CACNB1: variants seen among roughly 807,000 people sequenced by gnomAD.
CACNB1 encodes voltage-dependent L-type calcium channel subunit beta-1.
A neutral mutation model predicts 71.6 loss-of-function variants in CACNB1; 29 were observed. The ratio of observed to expected loss-of-function variants is 0.40; its 90% CI spans 0.30 to 0.55. The LOEUF (loss-of-function observed/expected upper bound fraction) is 0.55, where lower values mean the gene tolerates loss of function less well. Ranked by LOEUF, CACNB1 falls within the 20% of genes least tolerant of loss-of-function variation. The probability of loss-of-function intolerance (pLI) is 0.38; values close to 1 mark genes in which losing one functional copy is unlikely to be tolerated. For missense variants in CACNB1, 623 were observed against 801.8 expected, an observed-to-expected ratio of 0.78 and a Z score of 2.69; for synonymous variants, 300 against 319.6, an observed-to-expected ratio of 0.94 and a Z score of 0.65.
intron 1 of CACNB1, 165 bp from the exon 2 acceptor site, chr17:39,195,135 G>C (rs1451592288): frequency 1.0e-5 from 6 of 575,578 alleles, no homozygotes; most frequent in Non-Finnish European, 1.8e-5. Context: ...GGGGAGGGAG[G>C]GTCTCCCATC....
chr17:39,193,931 G>A (rs2046149124), intron 2 of CACNB1: 1 of 153,898 alleles, frequency 6.5e-6, no homozygotes, highest in African/African-American at 2.4e-5. Flanking sequence ...GCCAAGTGCT[G>A]TAGAGACAGA....
At position 39,191,588 on chromosome 17, in the gene CACNB1, T is replaced by C. The variant is rs1374965378; in HGVS notation, c.177A>G (p.Ser59=). ...ATGGACGGCTGGTGTAGGACTCCGC[T>C]GAGCCCTGAAAATAGAGAGAGCCAG... is the stretch of plus-strand genomic sequence containing the variant. The part of the protein sequence containing the change: ...TTSNSFVRQG[S]AESYTSRPSD... The change falls in exon 3 of 14, where the codon TCA becomes TCG. Residue 59 remains serine (S), a synonymous_variant. Transcript: ENST00000394303. 6.2e-7 allele frequency: 1 copy of C among 1,609,080 alleles called. No homozygotes were observed. Among genetic ancestry groups the C allele is most frequent in the Non-Finnish European group, 8.5e-7 (1 of 1,178,418 alleles).
At position 39,181,179 on chromosome 17, in the gene CACNB1, C is replaced by T. The variant is rs560731827; in HGVS notation, c.1050+2534G>A. Among the ~76,000 whole-genome samples, 105 of 152,140 alleles carry T rather than the reference C, an allele frequency of 6.9e-4. 2 individuals carry two copies. Among genetic ancestry groups the T allele is most frequent in the East Asian group, 3.9e-4 (2 of 5,170 alleles). On this transcript the variant is annotated intron_variant, in intron 11 of 13. Transcript: ENST00000394303. ...TGCAATCTCGGCTCACTGCAACCTCCGCCTCCTGGGTTCAAGCAATTCTTG... is the reference window on the plus strand; with the variant it reads ...TGCAATCTCGGCTCACTGCAACCTCTGCCTCCTGGGTTCAAGCAATTCTTG...
At chr17:39,182,525 C>A (rs1410194552) in intron 11 of CACNB1, among the ~76,000 whole-genome samples, 1 of 151,572 alleles carries the variant, frequency 6.6e-6, no homozygotes, top group East Asian at 1.9e-4. Context: ...ATGGTGAAAC[C>A]CTGTCTCTAC....
rs144168844 is a variant in CACNB1 at position 39,184,216 on chromosome 17, C to T, written c.789-76G>A. ...CCTGCCCACTCCCCAGTTCCAGGCC[C>T]GCCTTCTGTTCCTCAGTCCGAGTCC... On this transcript the variant is annotated intron_variant, in intron 9 of 13. Coordinates refer to ENST00000394303, the MANE Select transcript of CACNB1 (RefSeq NM_000723.5). The T allele has an allele frequency of 4.8e-4, 620 of 1,302,510 alleles. 2 individuals are homozygous for T. In the African/African-American group the frequency reaches 8.2e-3, roughly 17 times the overall value. 80.7% of individuals were successfully genotyped at this position (1,302,510 alleles called of 1,614,324 possible).
intron 11 of CACNB1, among the ~76,000 whole-genome samples, chr17:39,179,497 C>T (rs1408094570): frequency 1.3e-5 from 2 of 149,514 alleles, no homozygotes. Flanking sequence ...AGGAGAACGG[C>T]GTGAACCTGG....
In CACNB1 at chr17:39,186,114, A is replaced by C; in HGVS notation, c.628+382T>G. 23 of 1,612,784 alleles carry C rather than the reference A, an allele frequency of 1.4e-5. No homozygotes were observed. Among genetic ancestry groups the C allele is most frequent in the Non-Finnish European group, 2.0e-5 (23 of 1,179,124 alleles). Reference sequence around the variant, plus strand: ...TTAGTCATTTCATTACCTGGACCGGAGAGTCAGGAGAGAGGGAGGAGGGAG... The same window carrying C: ...TTAGTCATTTCATTACCTGGACCGGCGAGTCAGGAGAGAGGGAGGAGGGAG... On this transcript the variant is annotated intron_variant, in intron 6 of 13. Transcript: ENST00000394303. This position sits in a 1 kb window ranked among gnomAD's most constrained non-coding sequence, Gnocchi z 4.1.
At chr17:39,190,367 A>G (rs975157825) in intron 3 of CACNB1, among the ~76,000 whole-genome samples, 9 of 152,180 alleles carry the variant, frequency 5.9e-5, no homozygotes, top group African/African-American at 2.2e-4. Context: ...ACGCCGCTAC[A>G]CTCAGCCTGA....
At position 39,175,430 on chromosome 17, in the gene CACNB1, C is replaced by T. The variant is rs754728800; in HGVS notation, c.1560G>A (p.Val520=). The change falls in exon 14 of 14, where the codon GTG becomes GTA. Residue 520 remains valine (V), a synonymous_variant. Transcript: ENST00000394303. This position sits in a 1 kb window ranked among gnomAD's most constrained non-coding sequence, Gnocchi z 4.7. ...CCTCTGAGGGGTCAGTCTCCATGTC[C>T]ACACATGAGTCTCCCAGCTCCGTGT... ...SAYTELGDSC[V]DMETDPSEGP... The T allele has an allele frequency of 9.3e-6, 15 of 1,614,108 alleles. No homozygotes were observed. Among genetic ancestry groups the T allele is most frequent in the South Asian group, 8.8e-5 (8 of 91,092 alleles).
At chr17:39,177,001 T>C (rs2045595288) in intron 13 of CACNB1, 1 of 692,662 alleles carries the variant, frequency 1.4e-6, no homozygotes, top group African/African-American at 1.8e-5. Context: ...CGCATGTCCT[T>C]CCTAGTCCCT....
At chr17:39,177,886 G>A (rs2045628489) in intron 12 of CACNB1, 98 bp downstream of exon 12, 1 of 957,880 alleles carries the variant, frequency 1.0e-6, no homozygotes. Context: ...GCCTGACCCA[G>A]GTGTTCCTGG....
chr17:39,195,153 A>C lies in CACNB1; in HGVS notation c.85-183T>G, dbSNP rs943081313. 21 of 561,774 alleles carry C rather than the reference A, an allele frequency of 3.7e-5. No homozygotes were observed. In the African/African-American group the frequency reaches 4.0e-4, roughly 11 times the overall value. 34.8% of individuals were successfully genotyped at this position (561,774 alleles called of 1,614,324 possible). ...GAGGGAGGGTCTCCCATCCTCACGG[A>C]GAGGGCCCAGAGCACAGCCAGGAGT... On this transcript the variant is annotated intron_variant, in intron 1 of 13. Transcript: ENST00000394303.
At chr17:39,193,436 A>T (rs1232401108) in intron 2 of CACNB1, 1 of 450,252 alleles carries the variant, frequency 2.2e-6, no homozygotes, top group Non-Finnish European at 4.5e-6. Flanking sequence ...ACCCCACTCC[A>T]TCCCCAGCTC....
chr17:39,178,045 G>C lies in CACNB1; in HGVS notation c.1085C>G (p.Ser362Cys). The C allele has an allele frequency of 6.2e-7, 1 of 1,614,160 alleles. No homozygotes were observed. Among genetic ancestry groups the C allele is most frequent in the Non-Finnish European group, 8.5e-7 (1 of 1,180,004 alleles). Residue 362 changes from serine (S) to cysteine (C), a missense_variant, in exon 12 of 14, where the codon TCT (serine) becomes TGT (cysteine). Physicochemically the swap from Ser to Cys is moderately radical, Grantham distance 112. Transcript: ENST00000394303. ...LQRLIKSRGKSQSKHLNVQIA... is the reference protein window; with the variant it reads ...LQRLIKSRGKCQSKHLNVQIA... The stretch of plus-strand genomic sequence containing the variant: ...TTGGACATTGAGGTGTTTGGACTGA[G>C]ACTTTCCTCGGGACTTGATGAGCCT...
At chr17:39,191,698 C>T in intron 2 of CACNB1, 105 bp from the exon 3 acceptor site, 1 of 1,194,952 alleles carries the variant, frequency 8.4e-7, no homozygotes, top group Non-Finnish European at 1.2e-6. Flanking sequence ...GAGCCCCAGC[C>T]AGCCCAGCAT....
chr17:39,190,899 C>T (rs576259496), intron 3 of CACNB1, among the ~76,000 whole-genome samples: 1 of 152,124 alleles, frequency 6.6e-6, no homozygotes, highest in Non-Finnish European at 1.5e-5. Context: ...CCTAAGATCA[C>T]ACAGCTATTA....
rs2045521515 is a variant in CACNB1, at chr17:39,174,114, G to A, written c.*1079C>T. On this transcript the variant is annotated 3_prime_UTR_variant, in exon 14 of 14. Coordinates refer to ENST00000394303, the MANE Select transcript of CACNB1 (RefSeq NM_000723.5). ...TGCTGGGGAGGGGCAGGGTTGCTGG[G>A]CTACAGGGATGCCAAGGCAAAGGGA... 6.5e-6 allele frequency: 1 copy of A among 152,930 alleles called. No individual in the cohort carries two copies. The highest frequency in any genetic ancestry group is 1.5e-5 in the Non-Finnish European group (1 of 68,234). 9.5% of individuals were successfully genotyped at this position (152,930 alleles called of 1,614,324 possible).
At position 39,184,867 on chromosome 17, in the gene CACNB1, G is replaced by C. The variant is rs561555595; in HGVS notation, c.649-3C>G. 3.9e-6 allele frequency: 6 copies of C among 1,529,518 alleles called. No individual in the cohort carries two copies. The highest frequency in any genetic ancestry group is 1.1e-5 in the South Asian group (1 of 89,386). The allele number at this position is 1,529,518 out of a possible 1,614,324, so 94.7% of individuals were successfully genotyped here. The stretch of plus-strand genomic sequence containing the variant: ...TCATAGGGGGGCACATGCTCTGTCT[G>C]GGGGGGGAAGCAGGGAGGGGAAACC... On this transcript the variant is annotated splice_polypyrimidine_tract_variant and splice_region_variant and intron_variant, in intron 7 of 13. Coordinates refer to ENST00000394303, the MANE Select transcript of CACNB1 (RefSeq NM_000723.5).
chr17:39,182,482 C>T (rs544769950), intron 11 of CACNB1, among the ~76,000 whole-genome samples: 51 of 151,944 alleles, frequency 3.4e-4, no homozygotes, highest in African/African-American at 1.2e-3. Context: ...GGGCAGATCA[C>T]GAGGTCAGGA....
Sources: allele counts gnomAD v4.1 joint callset (sites outside exome capture counted in the v4.1 genomes callset), GRCh38; gene constraint gnomAD v4.1.1; non-coding constraint Gnocchi (gnomAD v3.1); transcripts MANE v1.5; gene names NCBI Gene and HGNC (gene_info 2026-07-23, HGNC 2026-07-21).